Variants in RABGAP1L observed in about 807,000 individuals in gnomAD.
RABGAP1L encodes RAB GTPase activating protein 1 like.
A neutral mutation model predicts 137.7 loss-of-function variants in RABGAP1L; 63 were observed. The observed-to-expected ratio is 0.46, with a 90% CI of 0.37 to 0.56. The LOEUF (loss-of-function observed/expected upper bound fraction) is 0.56. RABGAP1L is among the 20% of genes least tolerant of loss of function. The pLI is 0.00. For missense variants in RABGAP1L, 1,095 were observed against 1,244.0 expected (o/e 0.88, Z 1.80); for synonymous variants, 431 against 433.7 (o/e 0.99, Z 0.08).
At chr1:174,875,931 T>A (rs1472893977) in intron 19 of RABGAP1L, among the ~76,000 whole-genome samples, 1 of 152,224 alleles carries the variant, frequency 6.6e-6, no homozygotes, top group African/African-American at 2.4e-5. Context: ...ATCTTGTGGA[T>A]TTATTTAAAA....
At chr1:174,610,855 T>C (rs1426012461) in intron 13 of RABGAP1L, among the ~76,000 whole-genome samples, 1 of 152,216 alleles carries the variant, frequency 6.6e-6, no homozygotes, top group East Asian at 1.9e-4. Flanking sequence ...AATGTCTTCT[T>C]TTGAGAAGTG....
intron 13 of RABGAP1L, chr1:174,545,088 G>C (rs1572259422): frequency 6.6e-6 from 1 of 152,562 alleles, no homozygotes. Flanking sequence ...TCCATTCTCA[G>C]GTCCCAAACT....
intron 13 of RABGAP1L, among the ~76,000 whole-genome samples, chr1:174,425,105 C>T (rs1309554226): frequency 2.0e-5 from 3 of 151,904 alleles, no homozygotes; most frequent in Non-Finnish European, 2.9e-5. Context: ...TTGGTCATGC[C>T]GAGGTTTTTC....
intron 10 of RABGAP1L, among the ~76,000 whole-genome samples, chr1:174,296,274 G>A (rs1010151926): frequency 6.6e-6 from 1 of 152,266 alleles, no homozygotes; most frequent in Admixed American, 6.5e-5. Context: ...TCAGATTGCA[G>A]TTGATTTAGC....
At chr1:174,613,129 G>A (rs1292738381) in intron 13 of RABGAP1L, among the ~76,000 whole-genome samples, 1 of 149,142 alleles carries the variant, frequency 6.7e-6, no homozygotes, top group Non-Finnish European at 1.5e-5. Context: ...TGCTTTTCTA[G>A]TTCTTTTAAT....
chr1:174,649,079 T>C (rs1165855851), intron 14 of RABGAP1L, among the ~76,000 whole-genome samples: 1 of 152,150 alleles, frequency 6.6e-6, no homozygotes, highest in Non-Finnish European at 1.5e-5. Context: ...CTCTTTATTT[T>C]GAGCCTGTCT....
intron 13 of RABGAP1L, among the ~76,000 whole-genome samples, chr1:174,504,963 A>G (rs746256000): frequency 1.3e-5 from 2 of 152,222 alleles, no homozygotes; most frequent in Non-Finnish European, 2.9e-5. Context: ...TTTGCCAACC[A>G]TACATCTGAT....
chr1:174,969,367 C>T lies in RABGAP1L; in HGVS notation c.2524C>T (p.Leu842=). ...TGAACTAGTAACAAGCAAAATTGCT[C>T]TACGGAATGACTTGGATCAGGTAAT... ...AHELVTSKIA[L]RNDLDQAEDK... The change falls in exon 21 of 26, where the codon CTA becomes TTA. Residue 842 remains leucine, a synonymous_variant. Coordinates refer to ENST00000681986, the MANE Select transcript of RABGAP1L (RefSeq NM_001366446.1). The T allele has an allele frequency of 1.3e-6, 2 of 1,550,064 alleles. No individual in the cohort carries two copies. Among genetic ancestry groups the T allele is most frequent in the South Asian group, 2.4e-5 (2 of 84,044 alleles).
intron 10 of RABGAP1L, among the ~76,000 whole-genome samples, 180 bp from the exon 11 acceptor site, chr1:174,304,806 T>C (rs1200878313): frequency 6.6e-6 from 1 of 152,182 alleles, no homozygotes; most frequent in Non-Finnish European, 1.5e-5. Flanking sequence ...GGAACATAAA[T>C]TTAGAATATC....
At chr1:174,366,180 A>G (rs1684594387) in intron 11 of RABGAP1L, among the ~76,000 whole-genome samples, 1 of 152,212 alleles carries the variant, frequency 6.6e-6, no homozygotes, top group Admixed American at 6.5e-5. Context: ...TCATTTTAAT[A>G]ATTATAATTC....
chr1:174,697,095 C>T (rs943612419), intron 15 of RABGAP1L, among the ~76,000 whole-genome samples: 3 of 152,234 alleles, frequency 2.0e-5, no homozygotes, highest in African/African-American at 7.2e-5. Flanking sequence ...ACCTTTATCT[C>T]TGTATCCCTA....
intron 20 of RABGAP1L, chr1:174,964,951 T>G: frequency 6.6e-7 from 1 of 1,507,778 alleles, no homozygotes; most frequent in Non-Finnish European, 8.9e-7. Flanking sequence ...GTACCTATGA[T>G]TGAAAACAGT....
chr1:174,561,752 G>C (rs1389449933), intron 13 of RABGAP1L, among the ~76,000 whole-genome samples: 1 of 151,982 alleles, frequency 6.6e-6, no homozygotes, highest in Non-Finnish European at 1.5e-5. Flanking sequence ...AAAGCAATGG[G>C]GGAAAGATTC....
intron 12 of RABGAP1L, among the ~76,000 whole-genome samples, chr1:174,387,450 A>G: frequency 6.6e-6 from 1 of 152,218 alleles, no homozygotes; most frequent in East Asian, 1.9e-4. Flanking sequence ...ACACAGAAAT[A>G]AAATAATACA....
At chr1:174,319,246 A>T (rs1027421261) in intron 11 of RABGAP1L, among the ~76,000 whole-genome samples, 1 of 152,046 alleles carries the variant, frequency 6.6e-6, no homozygotes, top group African/African-American at 2.4e-5. Flanking sequence ...TTCCTCATAG[A>T]TCATGTACAT....
chr1:174,965,035 C>T lies in RABGAP1L; in HGVS notation c.2434-4242C>T, dbSNP rs919571236. ...ATGTCTGTAACATCAGTGTCTGTCT[C>T]TTTGAAAAATGCAGTATCCTCCTCC... is the stretch of plus-strand genomic sequence containing the variant. On this transcript the variant is annotated intron_variant, in intron 20 of 25. Transcript: ENST00000681986. The T allele has an allele frequency of 1.1e-5, 15 of 1,324,052 alleles. No individual in the cohort carries two copies. The Admixed American group carries it at 2.9e-4, about 26-fold the overall frequency. 82.0% of individuals were successfully genotyped at this position (1,324,052 alleles called of 1,614,324 possible). A position where few individuals can be genotyped will look rare whatever the true frequency, so the allele number is the denominator to read the frequency against.
intron 10 of RABGAP1L, among the ~76,000 whole-genome samples, chr1:174,298,708 A>C (rs781487157): frequency 7.4e-4 from 112 of 152,140 alleles, no homozygotes; most frequent in Non-Finnish European, 1.4e-3. Context: ...ACACACCCAG[A>C]TAACTGGTGC....
In RABGAP1L at chr1:174,665,873, G is replaced by A. The variant is rs1676753414; in HGVS notation, c.1825-17649G>A. On this transcript the variant is annotated intron_variant, in intron 14 of 25. Transcript: ENST00000681986. ...TGTAAATAAATGGAACAGTAGAGTA[G>A]TAGTAACTAATAAATAAATGTTAGT... Among the ~76,000 whole-genome samples, 3 of 152,220 alleles carry A rather than the reference G, an allele frequency of 2.0e-5. No homozygotes were observed. In the South Asian group the frequency reaches 6.2e-4, roughly 32 times the overall value.
In RABGAP1L at chr1:174,854,715, C is replaced by CT. The variant is rs71117584; in HGVS notation, c.2340+42800dup. Among the ~76,000 whole-genome samples, 5 of 56,870 alleles carry CT rather than the reference C, an allele frequency of 8.8e-5. 1 individual carries two copies. The highest frequency in any genetic ancestry group is 1.7e-4 in the Non-Finnish European group (5 of 29,354). 37.3% of individuals were successfully genotyped at this position (56,870 alleles called of 152,430 possible). A position where few individuals can be genotyped will look rare whatever the true frequency, so the allele number is the denominator to read the frequency against. On this transcript the variant is annotated intron_variant, in intron 19 of 25. Coordinates refer to ENST00000681986, the MANE Select transcript of RABGAP1L (RefSeq NM_001366446.1). ...AACTGCAATAGACTCAATATAAATGCTTTTTTTTTTTTTTTTTTTTTTTTT... is the reference window on the plus strand; with the variant it reads ...AACTGCAATAGACTCAATATAAATGCTTTTTTTTTTTTTTTTTTTTTTTTTT...
Sources: allele counts gnomAD v4.1 joint callset (sites outside exome capture counted in the v4.1 genomes callset), GRCh38; gene constraint gnomAD v4.1.1; transcripts MANE v1.5; gene names NCBI Gene and HGNC (gene_info 2026-07-23, HGNC 2026-07-21).